ATP6V0A1: variants seen among roughly 807,000 people sequenced by gnomAD.
ATP6V0A1 encodes ATPase H+ transporting V0 subunit a1.
A neutral mutation model predicts 105.4 loss-of-function variants in ATP6V0A1; 43 were observed. The observed-to-expected ratio is 0.41, with a 90% CI of 0.32 to 0.53. The LOEUF is 0.53. Among genes scored for constraint, ATP6V0A1 ranks in the 20% least tolerant of loss-of-function variants. The pLI, the probability that ATP6V0A1 is intolerant of heterozygous loss-of-function variation, is 0.30. For missense variants in ATP6V0A1, 676 were observed against 1,051.1 expected (o/e 0.64, Z 4.93); for synonymous variants, 362 against 372.8 (o/e 0.97, Z 0.33).
chr17:42,476,212 A>G (rs1015852136), intron 5 of ATP6V0A1, among the ~76,000 whole-genome samples: 1 of 152,202 alleles, frequency 6.6e-6, no homozygotes, highest in Non-Finnish European at 1.5e-5. Context: ...AAACTTTTCC[A>G]ATCTCATGAC....
intron 8 of ATP6V0A1, among the ~76,000 whole-genome samples, chr17:42,482,694 C>T (rs534020914): frequency 4.7e-4 from 71 of 151,678 alleles, no homozygotes; most frequent in African/African-American, 1.5e-3. Flanking sequence ...GTCAGGAGTT[C>T]GAGATCAGCC....
intron 4 of ATP6V0A1, among the ~76,000 whole-genome samples, chr17:42,468,692 G>A (rs1432836738): frequency 6.6e-6 from 1 of 152,064 alleles, no homozygotes; most frequent in Non-Finnish European, 1.5e-5. Context: ...TTCTATCCAT[G>A]TTGCTGCAAA....
chr17:42,510,075 A>G (rs2092274842), intron 19 of ATP6V0A1: 2 of 152,244 alleles, frequency 1.3e-5, no homozygotes, highest in African/African-American at 4.8e-5. Context: ...GCTCCAGCCC[A>G]GTGGAAGCAT....
At chr17:42,518,346 A>G (rs1017409753) in intron 21 of ATP6V0A1, 1 of 152,260 alleles carries the variant, frequency 6.6e-6, no homozygotes, top group Non-Finnish European at 1.5e-5. Flanking sequence ...GCATGACAGC[A>G]TGGAGCAGTT....
intron 21 of ATP6V0A1, chr17:42,520,201 C>T: frequency 5.7e-6 from 2 of 348,858 alleles, no homozygotes; most frequent in South Asian, 4.4e-5. Context: ...CAGGGCAGCT[C>T]TCCTTGGCCT....
intron 4 of ATP6V0A1, among the ~76,000 whole-genome samples, chr17:42,469,252 A>G (rs967920169): frequency 2.6e-5 from 4 of 152,146 alleles, no homozygotes; most frequent in African/African-American, 9.7e-5. Flanking sequence ...AAAGTTACCA[A>G]GTATACAATA....
intron 21 of ATP6V0A1, chr17:42,518,273 G>A (rs1488694794): frequency 6.6e-6 from 1 of 152,060 alleles, no homozygotes; most frequent in Admixed American, 6.6e-5. Flanking sequence ...CTCACAGATT[G>A]GGTGGTGATT....
chr17:42,494,897 G>C, intron 12 of ATP6V0A1, 137 bp from the exon 13 acceptor site: 1 of 856,902 alleles, frequency 1.2e-6, no homozygotes, highest in East Asian at 2.5e-5. Context: ...ATTGTATTTT[G>C]GTTTTTACTT....
chr17:42,482,415 G>A lies in ATP6V0A1; in HGVS notation c.717-623G>A, dbSNP rs529544570. Among the ~76,000 whole-genome samples, 3 of 152,210 alleles carry A rather than the reference G, an allele frequency of 2.0e-5. No homozygotes were observed. In the East Asian group the frequency reaches 5.8e-4, roughly 29 times the overall value. ...ACCTGCCTCAGCCTCCCAAAGTGCT[G>A]GGATTACAGGCGTGAGCCACTGCAC... On this transcript the variant is annotated intron_variant, in intron 8 of 21. Coordinates refer to ENST00000343619, the MANE Select transcript of ATP6V0A1 (RefSeq NM_001130021.3).
In ATP6V0A1 at chr17:42,508,605, G is replaced by A. The variant is rs2092169635; in HGVS notation, c.2130+16G>A. ...GGACGAAGTGGTAAGATGAAAGCTG[G>A]CGTTGCCTTCGTGTTTATCCGGGCT... On this transcript the variant is annotated intron_variant, in intron 19 of 21. Transcript: ENST00000343619. 6.2e-7 allele frequency: 1 copy of A among 1,613,826 alleles called. No individual in the cohort carries two copies. The highest frequency in any genetic ancestry group is 1.3e-5 in the African/African-American group (1 of 74,912).
chr17:42,463,530 G>C (rs1437575703), intron 2 of ATP6V0A1, among the ~76,000 whole-genome samples: 2 of 152,104 alleles, frequency 1.3e-5, no homozygotes, highest in Non-Finnish European at 2.9e-5. Flanking sequence ...ATTGCCGAAC[G>C]GTAAGTAGTT....
chr17:42,513,976 C>A lies in ATP6V0A1; in HGVS notation c.2246C>A (p.Ala749Glu). 6.2e-7 allele frequency: 1 copy of A among 1,613,022 alleles called. No individual in the cohort carries two copies. Among genetic ancestry groups the A allele is most frequent in the Non-Finnish European group, 8.5e-7 (1 of 1,178,992 alleles). The change falls in exon 20 of 22, where the codon GCG (alanine) becomes GAG (glutamate). Residue 749 changes from alanine to glutamate, a missense_variant and splice_region_variant. Ala to Glu is a moderately radical substitution (Grantham distance 107, BLOSUM62 -1). Around this residue, in one of 3 missense-constraint regions of ATP6V0A1, gnomAD observed 435 missense variants for 642.2 expected, o/e 0.68. Coordinates refer to ENST00000343619, the MANE Select transcript of ATP6V0A1 (RefSeq NM_001130021.3). ...LRLWALSLAH[A>E]QLSEVLWTMV... Reference sequence around the variant, plus strand: ...CTCTGGGCCCTCAGCCTCGCTCATGCGCGTGAGTACCTCTCTCCGGGCTCC... The same window carrying A: ...CTCTGGGCCCTCAGCCTCGCTCATGAGCGTGAGTACCTCTCTCCGGGCTCC...
chr17:42,465,191 G>A (rs764408862), intron 2 of ATP6V0A1, among the ~76,000 whole-genome samples: 8 of 150,980 alleles, frequency 5.3e-5, no homozygotes, highest in Non-Finnish European at 7.4e-5. Flanking sequence ...ACAGGGTTTC[G>A]CCATGTTGTC....
rs138655774 is a variant in ATP6V0A1, at chr17:42,493,456, A to G, written c.1175-878A>G. Among the ~76,000 whole-genome samples, 557 of 152,268 alleles carry G rather than the reference A, an allele frequency of 3.7e-3. 5 individuals carry two copies. The highest frequency in any genetic ancestry group is 0.013 in the African/African-American group (532 of 41,550). On this transcript the variant is annotated intron_variant, in intron 11 of 21. Coordinates refer to ENST00000343619, the MANE Select transcript of ATP6V0A1 (RefSeq NM_001130021.3). Reference sequence around the variant, plus strand: ...TACAAGAGAGTCAGAGAACAAACCAATGTTGTCAAGGTTACACCTTCATTT... The same window carrying G: ...TACAAGAGAGTCAGAGAACAAACCAGTGTTGTCAAGGTTACACCTTCATTT...
chr17:42,493,579 C>T (rs1005721585), intron 11 of ATP6V0A1, among the ~76,000 whole-genome samples: 1 of 151,968 alleles, frequency 6.6e-6, no homozygotes, highest in South Asian at 2.1e-4. Context: ...GAGGATTGCT[C>T]AAGGCCACAA....
intron 2 of ATP6V0A1, among the ~76,000 whole-genome samples, chr17:42,461,346 A>G (rs937353359): frequency 6.6e-6 from 1 of 152,180 alleles, no homozygotes; most frequent in Non-Finnish European, 1.5e-5. Context: ...CAGTTTTTCC[A>G]TATAGTAGGA....
rs2086051518 is a variant in ATP6V0A1 at position 42,458,921 on chromosome 17, G to C, written c.-90G>C. ...TGGAGCCGCGGAGGGTGCGGGTTTG[G>C]CTGCGGTGGTTTCTGTGGCGGTTGC... On this transcript the variant is annotated 5_prime_UTR_variant, in exon 1 of 22. Transcript: ENST00000343619. 1 of 153,356 alleles carries C rather than the reference G, an allele frequency of 6.5e-6. No homozygotes were observed. Among genetic ancestry groups the C allele is most frequent in the African/African-American group, 2.4e-5 (1 of 41,492 alleles). The allele number at this position is 153,356 out of a possible 1,614,324, so 9.5% of individuals were successfully genotyped here.
intron 13 of ATP6V0A1, 94 bp from the exon 14 acceptor site, chr17:42,495,532 T>A (rs573083027): frequency 1.1e-6 from 1 of 948,288 alleles, no homozygotes; most frequent in African/African-American, 1.7e-5. Flanking sequence ...AGAGACAAGA[T>A]AGCTACAGTA....
In ATP6V0A1 at chr17:42,521,095, T is replaced by C; in HGVS notation, c.2489T>C (p.Ile830Thr). 6.2e-7 allele frequency: 1 copy of C among 1,609,494 alleles called. No individual in the cohort carries two copies. The highest frequency in any genetic ancestry group is 8.5e-7 in the Non-Finnish European group (1 of 1,177,878). ...TTCTTACCCTTCTCCTTCGAGCATA[T>C]TCGGGAAGGGAAGTTTGAAGAGTGA... ...FKFLPFSFEH[I>T]REGKFEE Residue 830 changes from isoleucine (I) to threonine (T), a missense_variant, in exon 22 of 22, where the codon ATT becomes ACT. This residue lies in a region of ATP6V0A1 where 435 missense variants were observed against 642.2 expected (regional missense o/e 0.68). Transcript: ENST00000343619. This position sits in a 1 kb window ranked among gnomAD's most constrained non-coding sequence, Gnocchi z 4.8.
Sources: allele counts gnomAD v4.1 joint callset (sites outside exome capture counted in the v4.1 genomes callset), GRCh38; gene constraint gnomAD v4.1.1; regional missense constraint gnomAD v4.1.1; non-coding constraint Gnocchi (gnomAD v3.1); transcripts MANE v1.5; gene names NCBI Gene and HGNC (gene_info 2026-07-23, HGNC 2026-07-21).